The following PHACTR2 variants were observed in gnomAD, a reference collection of about 807,000 sequenced individuals.
PHACTR2 encodes the protein chromosome 6 open reading frame 56.
A neutral mutation model predicts 76.0 loss-of-function variants in PHACTR2; 30 were observed. The ratio of observed to expected loss-of-function variants is 0.39; its 90% confidence interval spans 0.30 to 0.54. The LOEUF is 0.54. Among genes scored for constraint, PHACTR2 ranks in the 20% least tolerant of loss-of-function variants. PHACTR2 has a pLI of 0.61. For missense variants in PHACTR2, 696 were observed against 781.1 expected (o/e 0.89, Z 1.30); for synonymous variants, 292 against 292.5 (o/e 1.00, Z 0.02).
Position 143,619,487 on chromosome 6 carries a change from C to T in PHACTR2, c.13+11165C>T, listed in dbSNP as rs950511508. On this transcript the variant is annotated intron_variant, in intron 1 of 11. Transcript: ENST00000305766. The surrounding 1 kb of genome is among the most constrained non-coding windows in gnomAD (Gnocchi z 4.5). Reference sequence around the variant, plus strand: ...AATGCTAAAGATCTTGTGCCTTGCACAAAAATGCTCTGAAATACCCTACTG... The same window carrying T: ...AATGCTAAAGATCTTGTGCCTTGCATAAAAATGCTCTGAAATACCCTACTG... Among the ~76,000 whole-genome samples the T allele has an allele frequency of 2.6e-5, 4 of 152,220 alleles. No homozygotes were observed. The highest frequency in any genetic ancestry group is 6.5e-5 in the Admixed American group (1 of 15,290).
intron 11 of PHACTR2, among the ~76,000 whole-genome samples, chr6:143,790,229 A>G (rs1282897006): frequency 6.6e-6 from 1 of 152,158 alleles, no homozygotes; most frequent in Admixed American, 6.5e-5. Context: ...GGGTGCGTAA[A>G]TTTGGAAAAT....
Position 143,743,977 on chromosome 6 carries a change from C to T in PHACTR2, c.215-5008C>T, listed in dbSNP as rs1778999693. ...AGAAAAAAGCCAGCGGCATATGCTC[C>T]AGCCTCTTTTCCTGAGTGCAGCTCC... On this transcript the variant is annotated intron_variant, in intron 2 of 12. Transcript: ENST00000440869. This position sits in a 1 kb window ranked among gnomAD's most constrained non-coding sequence, Gnocchi z 5.0. Among the ~76,000 whole-genome samples the T allele has an allele frequency of 6.6e-6, 1 of 152,194 alleles. No homozygotes were observed. Among genetic ancestry groups the T allele is most frequent in the African/African-American group, 2.4e-5 (1 of 41,448 alleles).
chr6:143,711,827 T>C (rs1778181539), intron 1 of PHACTR2, 189 bp from the exon 2 acceptor site: 1 of 748,934 alleles, frequency 1.3e-6, no homozygotes, highest in Admixed American at 1.7e-5. Context: ...CTAAGTGGGC[T>C]GTAATTTCTG....
At chr6:143,725,841 G>A (rs1217003798) in intron 2 of PHACTR2, among the ~76,000 whole-genome samples, 1 of 149,784 alleles carries the variant, frequency 6.7e-6, no homozygotes, top group Admixed American at 6.6e-5. Context: ...AAAAAAGAAT[G>A]TCATATAAAT....
rs1781153504 is a variant in PHACTR2, at chr6:143,539,551, T to G, written c.217+2344T>G. On this transcript the variant is annotated intron_variant, in intron 1 of 11. Coordinates refer to the PHACTR2 transcript ENST00000367584. The surrounding 1 kb of genome is among the most constrained non-coding windows in gnomAD (Gnocchi z 4.3). ...ACTGTGCTGGGATCTCTGAATTATC[T>G]CAGAGGCACAATAAGAGGGTTACAC... 6.6e-6 allele frequency among the ~76,000 whole-genome samples: 1 copy of G among 152,126 alleles called. No individual in the cohort carries two copies.
chr6:143,773,551 A>G (rs1263852389), intron 7 of PHACTR2, among the ~76,000 whole-genome samples: 1 of 151,146 alleles, frequency 6.6e-6, no homozygotes, highest in Non-Finnish European at 1.5e-5. Flanking sequence ...AAAAACCATT[A>G]TCATCCATGT....
chr6:143,542,021 T>TG (rs1356802702), intron 1 of PHACTR2, among the ~76,000 whole-genome samples: 1 of 151,812 alleles, frequency 6.6e-6, no homozygotes, highest in Admixed American at 6.6e-5. Context: ...TAACTCAGAG[T>TG]GGGTTTTTTT....
chr6:143,746,265 A>G (rs1159438320), intron 2 of PHACTR2, among the ~76,000 whole-genome samples: 1 of 152,198 alleles, frequency 6.6e-6, no homozygotes, highest in African/African-American at 2.4e-5. Context: ...ATGACTGCCC[A>G]GGGTCACTCA....
chr6:143,579,276 G>A (rs1775547635), intron 1 of PHACTR2, among the ~76,000 whole-genome samples: 1 of 152,160 alleles, frequency 6.6e-6, no homozygotes, highest in Non-Finnish European at 1.5e-5. Context: ...GGGGTTGTTG[G>A]AGGAGGGAAA....
At position 143,659,598 on chromosome 6, in the gene PHACTR2, C is replaced by T. The variant is rs1245496595; in HGVS notation, c.13+51276C>T. Among the ~76,000 whole-genome samples the T allele has an allele frequency of 6.6e-6, 1 of 152,194 alleles. No individual in the cohort carries two copies. Among genetic ancestry groups the T allele is most frequent in the Non-Finnish European group, 1.5e-5 (1 of 68,030 alleles). Reference sequence around the variant, plus strand: ...TGGCAGCTCACAACATGGCAGCTTGCTTCTTTAAAGCCAGGTGAAGAGCCA... The same window carrying T: ...TGGCAGCTCACAACATGGCAGCTTGTTTCTTTAAAGCCAGGTGAAGAGCCA... On this transcript the variant is annotated intron_variant, in intron 1 of 11. Coordinates refer to the PHACTR2 transcript ENST00000305766. The surrounding 1 kb of genome is among the most constrained non-coding windows in gnomAD (Gnocchi z 5.0).
intron 4 of PHACTR2, among the ~76,000 whole-genome samples, chr6:143,758,002 T>G (rs1284430521): frequency 6.6e-6 from 1 of 151,700 alleles, no homozygotes; most frequent in Non-Finnish European, 1.5e-5. Context: ...ACTTAAGAAT[T>G]ACCAGAATGA....
upstream of PHACTR2, among the ~76,000 whole-genome samples, chr6:143,676,962 T>C (rs150976549): frequency 3.5e-4 from 51 of 146,896 alleles, no homozygotes; most frequent in African/African-American, 1.3e-3. The surrounding 1 kb of genome is among the most constrained non-coding windows in gnomAD (Gnocchi z 4.8). Context: ...AATAAAAATT[T>C]TAGAAAAAAA....
Position 143,753,881 on chromosome 6 carries a change from A to G in PHACTR2, c.423A>G (p.Pro141=). The G allele has an allele frequency of 1.9e-6, 3 of 1,606,500 alleles. No homozygotes were observed. Among genetic ancestry groups the G allele is most frequent in the Non-Finnish European group, 2.5e-6 (3 of 1,178,074 alleles). ...ATGGCTCTGTATCTGAAAAAACACC[A>G]CCTCTGGAGGAACAGGCAGAAGATA... ...EGNGSVSEKT[P]PLEEQAEDKK... Residue 141 remains proline, a synonymous_variant, in exon 4 of 13, where the codon CCA becomes CCG. Coordinates refer to ENST00000440869, the MANE Select transcript of PHACTR2 (RefSeq NM_001100164.2). This position sits in a 1 kb window ranked among gnomAD's most constrained non-coding sequence, Gnocchi z 4.6.
At position 143,581,223 on chromosome 6, in the gene PHACTR2, C is replaced by A. The variant is rs892116003; in HGVS notation, c.217+44016C>A. Among the ~76,000 whole-genome samples the A allele has an allele frequency of 2.6e-5, 4 of 152,176 alleles. No individual in the cohort carries two copies. Among genetic ancestry groups the A allele is most frequent in the African/African-American group, 9.6e-5 (4 of 41,456 alleles). On this transcript the variant is annotated intron_variant, in intron 1 of 11. Coordinates refer to the PHACTR2 transcript ENST00000367584. This position sits in a 1 kb window ranked among gnomAD's most constrained non-coding sequence, Gnocchi z 4.5. ...CGTGTGGACAGGGGATGAGGGTTACCTGGTTTCTGCTCCTTTGACTATGGC... is the reference window on the plus strand; with the variant it reads ...CGTGTGGACAGGGGATGAGGGTTACATGGTTTCTGCTCCTTTGACTATGGC...
At chr6:143,691,545 A>G (rs182508640) in intron 1 of PHACTR2, among the ~76,000 whole-genome samples, 10 of 152,330 alleles carry the variant, frequency 6.6e-5, no homozygotes, top group Non-Finnish European at 1.3e-4. Flanking sequence ...AAAATGATGC[A>G]TTTCCCACAA....
Position 143,559,690 on chromosome 6 carries a change from C to CTTTTTTTTT in PHACTR2, c.217+22511_217+22519dup, listed in dbSNP as rs5880566. Among the ~76,000 whole-genome samples the CTTTTTTTTT allele has an allele frequency of 1.2e-3, 37 of 31,904 alleles. 10 individuals are homozygous for CTTTTTTTTT. The highest frequency in any genetic ancestry group is 3.3e-3 in the East Asian group (2 of 598). The allele number at this position is 31,904 out of a possible 152,430, so 20.9% of individuals were successfully genotyped here. On this transcript the variant is annotated intron_variant, in intron 1 of 11. Transcript: ENST00000367584. ...TAAAAATACCAGTGATTTTTCTTTT[C>CTTTTTTTTT]TTTTTTTTTTTTTTTTTTTTTTTTT...
At chr6:143,808,330 T>C (rs1395007074) in intron 12 of PHACTR2, among the ~76,000 whole-genome samples, 1 of 152,072 alleles carries the variant, frequency 6.6e-6, no homozygotes, top group African/African-American at 2.4e-5. Flanking sequence ...GGTTTCACCA[T>C]GTTGGTCCAG....
In PHACTR2 at chr6:143,800,321, G is replaced by C. The variant is rs1345974622; in HGVS notation, c.1846-6736G>C. Among the ~76,000 whole-genome samples, 2 of 151,932 alleles carry C rather than the reference G, an allele frequency of 1.3e-5. No homozygotes were observed. Among genetic ancestry groups the C allele is most frequent in the East Asian group, 1.9e-4 (1 of 5,174 alleles). The stretch of plus-strand genomic sequence containing the variant: ...CTGTTGCCCAGGCTGGAGTGCAGTG[G>C]TGCAATCTCCGCTCACAGCAAGCTC... On this transcript the variant is annotated intron_variant, in intron 11 of 12. Transcript: ENST00000440869. The surrounding 1 kb of genome is among the most constrained non-coding windows in gnomAD (Gnocchi z 4.8).
intron 1 of PHACTR2, among the ~76,000 whole-genome samples, chr6:143,705,867 A>T (rs926772170): frequency 2.6e-5 from 4 of 152,170 alleles, no homozygotes; most frequent in African/African-American, 9.7e-5. Flanking sequence ...GAAGGAAGTC[A>T]CTATGGATAG....
Sources: gnomAD v4.1 joint callset for allele counts (sites outside exome capture counted in the v4.1 genomes callset) on GRCh38, gnomAD v4.1.1 for gene constraint, Gnocchi (gnomAD v3.1) non-coding constraint, MANE v1.5 for transcripts, NCBI Gene and HGNC (gene_info 2026-07-23, HGNC 2026-07-21) for gene names.